Variants in SPTBN1 observed in about 807,000 individuals in gnomAD.
The protein encoded by SPTBN1 is spectrin beta chain, non-erythrocytic 1.
Under a neutral mutation model 266.4 loss-of-function variants are expected in SPTBN1, and 32 were observed. The ratio of observed to expected loss-of-function variants is 0.12; its 90% CI spans 0.09 to 0.16. SPTBN1 has a LOEUF of 0.16. Ranked by LOEUF, SPTBN1 falls within the 10% of genes least tolerant of loss-of-function variation. The pLI, the probability that SPTBN1 is intolerant of heterozygous loss-of-function variation, is 1.00. For synonymous variants in SPTBN1, 1,336 were observed against 1,162.2 expected (o/e 1.15, Z -3.04); for missense variants, 2,296 against 3,067.1 (o/e 0.75, Z 5.94).
chr2:54,627,804 G>A (rs1002760403), intron 12 of SPTBN1, among the ~76,000 whole-genome samples: 5 of 8,012 alleles, frequency 6.2e-4, no homozygotes, highest in African/African-American at 2.1e-3. Flanking sequence ...CCCTGGCCCC[G>A]CTGGCCCTCA....
chr2:54,590,535 C>G (rs544381731), intron 2 of SPTBN1, among the ~76,000 whole-genome samples: 3 of 152,116 alleles, frequency 2.0e-5, no homozygotes, highest in African/African-American at 4.8e-5. Flanking sequence ...GGACACAAGA[C>G]GTATAATAAA....
chr2:54,653,485 G>A lies in SPTBN1; in HGVS notation c.5578-124G>A. ...CCAGTGAAATTGAGGGCTCCTTAAG[G>A]GGCATGGGCCATATTTTGACTCTGT... On this transcript the variant is annotated intron_variant, in intron 26 of 35. Transcript: ENST00000356805. This position sits in a 1 kb window ranked among gnomAD's most constrained non-coding sequence, Gnocchi z 5.1. The A allele has an allele frequency of 6.8e-7, 1 of 1,465,322 alleles. No individual in the cohort carries two copies. The highest frequency in any genetic ancestry group is 1.4e-5 in the South Asian group (1 of 71,988). 90.8% of individuals were successfully genotyped at this position (1,465,322 alleles called of 1,614,324 possible). A position where few individuals can be genotyped will look rare whatever the true frequency, so the allele number is the denominator to read the frequency against.
chr2:54,496,138 A>T (rs540664975), intron 1 of SPTBN1, among the ~76,000 whole-genome samples: 16 of 151,796 alleles, frequency 1.1e-4, no homozygotes, highest in East Asian at 3.9e-4. Context: ...GAAATATGTT[A>T]AAAAAAAGTA....
intron 18 of SPTBN1, among the ~76,000 whole-genome samples, chr2:54,641,955 G>T (rs1679595268): frequency 6.6e-6 from 1 of 152,220 alleles, no homozygotes; most frequent in African/African-American, 2.4e-5. Context: ...CCAATTTGTT[G>T]TGACAATAAC....
chr2:54,628,239 C>T lies in SPTBN1; in HGVS notation c.1787C>T (p.Thr596Ile). 6.2e-7 allele frequency: 1 copy of T among 1,612,718 alleles called. No individual in the cohort carries two copies. The highest frequency in any genetic ancestry group is 8.5e-7 in the Non-Finnish European group (1 of 1,179,316). The stretch of plus-strand genomic sequence containing the variant: ...AATGCCTCCGCCCAGAAGTTCGCAA[C>T]AGACGGGGAAGGTAAGGATGGCCCA... ...GVNASAQKFA[T>I]DGEGYKPCDP... Residue 596 changes from threonine to isoleucine, a missense_variant, in exon 13 of 36, where the codon ACA becomes ATA. Thr to Ile is a moderately conservative substitution (Grantham distance 89, BLOSUM62 -1). Transcript: ENST00000356805. This position sits in a 1 kb window ranked among gnomAD's most constrained non-coding sequence, Gnocchi z 4.3.
In SPTBN1 at chr2:54,533,136, G is replaced by A. The variant is rs1266026368; in HGVS notation, c.148+6570G>A. Among the ~76,000 whole-genome samples the A allele has an allele frequency of 1.3e-5, 2 of 152,116 alleles. No homozygotes were observed. The highest frequency in any genetic ancestry group is 2.9e-5 in the Non-Finnish European group (2 of 68,026). On this transcript the variant is annotated intron_variant, in intron 2 of 35. Coordinates refer to ENST00000356805, the MANE Select transcript of SPTBN1 (RefSeq NM_003128.3). The surrounding 1 kb of genome is among the most constrained non-coding windows in gnomAD (Gnocchi z 4.2). ...GGCTGCTAAGTGACTAACAGGGAGC[G>A]TCTGCAGTGTGTGTCTGCTGGACAA...
intron 2 of SPTBN1, among the ~76,000 whole-genome samples, chr2:54,591,498 C>T (rs551643585): frequency 3.3e-5 from 5 of 152,302 alleles, no homozygotes; most frequent in Admixed American, 6.5e-5. Context: ...CTGGGTTATA[C>T]GTGCAGGTTC....
At chr2:54,488,746 A>C (rs1573254666) in intron 1 of SPTBN1, among the ~76,000 whole-genome samples, 1 of 152,152 alleles carries the variant, frequency 6.6e-6, no homozygotes, top group Non-Finnish European at 1.5e-5. Flanking sequence ...CATTTTGTGT[A>C]GGGAAAAAAA....
intron 24 of SPTBN1, among the ~76,000 whole-genome samples, chr2:54,648,240 T>C (rs1014431293): frequency 2.0e-5 from 3 of 152,196 alleles, no homozygotes; most frequent in African/African-American, 7.2e-5. Flanking sequence ...TCTGTTGGTG[T>C]AGGAGGTTCT....
chr2:54,589,765 C>A (rs932912591), intron 2 of SPTBN1, among the ~76,000 whole-genome samples: 1 of 152,216 alleles, frequency 6.6e-6, no homozygotes, highest in Non-Finnish European at 1.5e-5. Flanking sequence ...GTTATCAATA[C>A]AGCCAGCTGC....
intron 1 of SPTBN1, among the ~76,000 whole-genome samples, chr2:54,525,829 C>T (rs546446413): frequency 6.6e-6 from 1 of 151,980 alleles, no homozygotes; most frequent in South Asian, 2.1e-4. Flanking sequence ...CTCCCAGATT[C>T]GAGCAATTCT....
chr2:54,617,809 G>A, intron 6 of SPTBN1, 121 bp downstream of exon 6: 2 of 943,870 alleles, frequency 2.1e-6, no homozygotes, highest in Non-Finnish European at 3.2e-6. Flanking sequence ...GGAAATTTCT[G>A]CATTCCATGT....
rs374877354 is a variant in SPTBN1, at chr2:54,593,823, C to CTTTTTTTTTTTT, written c.149-5253_149-5242dup. On this transcript the variant is annotated intron_variant, in intron 2 of 35. Coordinates refer to ENST00000356805, the MANE Select transcript of SPTBN1 (RefSeq NM_003128.3). The stretch of plus-strand genomic sequence containing the variant: ...TTCTAAGTCTTGTATCATGGAAACA[C>CTTTTTTTTTTTT]TTTTTTTTTTTTTTTTTTTTTTTTT... Among the ~76,000 whole-genome samples the CTTTTTTTTTTTT allele has an allele frequency of 3.1e-4, 20 of 64,794 alleles. 5 individuals are homozygous for CTTTTTTTTTTTT. The highest frequency in any genetic ancestry group is 5.2e-4 in the Admixed American group (2 of 3,842). 42.5% of individuals were successfully genotyped at this position (64,794 alleles called of 152,430 possible).
chr2:54,497,892 G>C (rs1450645951), intron 1 of SPTBN1, among the ~76,000 whole-genome samples: 2 of 152,150 alleles, frequency 1.3e-5, no homozygotes, highest in African/African-American at 4.8e-5. Context: ...AGGTGCAAGT[G>C]TGCGCCAGTA....
intron 2 of SPTBN1, among the ~76,000 whole-genome samples, chr2:54,543,202 G>A (rs187502495): frequency 1.4e-4 from 21 of 152,304 alleles, no homozygotes; most frequent in Non-Finnish European, 2.5e-4. Context: ...GCGATGGTGG[G>A]CAAGTGACTC....
At chr2:54,566,547 C>T (rs1202386567) in intron 2 of SPTBN1, among the ~76,000 whole-genome samples, 1 of 152,026 alleles carries the variant, frequency 6.6e-6, no homozygotes, top group Admixed American at 6.5e-5. Context: ...AAAAGTTTGA[C>T]AGGCCAAGCT....
At chr2:54,564,065 T>C (rs1173870150) in intron 2 of SPTBN1, among the ~76,000 whole-genome samples, 1 of 152,238 alleles carries the variant, frequency 6.6e-6, no homozygotes, top group Non-Finnish European at 1.5e-5. Flanking sequence ...GAATACATAC[T>C]GCTGGCATGG....
At chr2:54,627,846 T>C (rs958562213) in intron 12 of SPTBN1, among the ~76,000 whole-genome samples, 6 of 149,364 alleles carry the variant, frequency 4.0e-5, no homozygotes, top group African/African-American at 1.5e-4. Flanking sequence ...CACTTTTTAG[T>C]GTAGATTTGA....
At chr2:54,461,294 G>C (rs989126213) in intron 1 of SPTBN1, among the ~76,000 whole-genome samples, 37 of 152,100 alleles carry the variant, frequency 2.4e-4, no homozygotes, top group Non-Finnish European at 4.9e-4. Context: ...ATTTCATTCA[G>C]TTTCACCTGC....
Sources: gnomAD v4.1 joint callset for allele counts (sites outside exome capture counted in the v4.1 genomes callset) on GRCh38, gnomAD v4.1.1 for gene constraint, Gnocchi (gnomAD v3.1) non-coding constraint, MANE v1.5 for transcripts, NCBI Gene and HGNC (gene_info 2026-07-23, HGNC 2026-07-21) for gene names.